Variants in HIVEP3 observed in about 807,000 individuals in gnomAD.
The protein encoded by HIVEP3 is transcription factor HIVEP3.
HIVEP3 carries 49 observed loss-of-function variants against 152.8 expected under a neutral mutation model. The observed-to-expected ratio is 0.32, with a 90% CI of 0.26 to 0.41. The LOEUF (loss-of-function observed/expected upper bound fraction) is 0.41, where lower values mean the gene tolerates loss of function less well. HIVEP3 is among the 10% of genes least tolerant of loss of function. The pLI, the probability that HIVEP3 is intolerant of heterozygous loss-of-function variation, is 1.00. For missense variants in HIVEP3, 2,790 were observed against 3,103.3 expected (o/e 0.90, Z 2.40); for synonymous variants, 1,269 against 1,289.0 (o/e 0.98, Z 0.33).
At chr1:41,653,964 A>C (rs933526940) in intron 2 of HIVEP3, among the ~76,000 whole-genome samples, 29 of 150,034 alleles carry the variant, frequency 1.9e-4, no homozygotes, top group Non-Finnish European at 3.7e-4. Flanking sequence ...AAAAAAAAAA[A>C]AAAAAAAAAA....
At chr1:41,521,811 G>A (rs1183151137) in intron 6 of HIVEP3, among the ~76,000 whole-genome samples, 2 of 152,234 alleles carry the variant, frequency 1.3e-5, no homozygotes, top group Non-Finnish European at 2.9e-5. Context: ...TGCCCCTGCC[G>A]CTGGCAGACC....
intron 1 of HIVEP3, among the ~76,000 whole-genome samples, chr1:41,726,812 G>A (rs773819741): frequency 6.6e-6 from 1 of 152,214 alleles, no homozygotes; most frequent in Non-Finnish European, 1.5e-5. Context: ...AGGCAGAGCT[G>A]TCGAACAATG....
In HIVEP3 at chr1:42,016,700, C is replaced by T. The variant is rs1038941930; in HGVS notation, n.119+19107G>A. Among the ~76,000 whole-genome samples, 4 of 152,108 alleles carry T rather than the reference C, an allele frequency of 2.6e-5. No individual in the cohort carries two copies. The East Asian group carries it at 5.8e-4, about 22-fold the overall frequency. Reference sequence around the variant, plus strand: ...TCATCAACTTACTCTTTTCATTTAGCAATCAGTATCTCCTGGCCATATGAC... The same window carrying T: ...TCATCAACTTACTCTTTTCATTTAGTAATCAGTATCTCCTGGCCATATGAC... On this transcript the variant is annotated intron_variant and non_coding_transcript_variant, in intron 1 of 3. Coordinates refer to the HIVEP3 transcript ENST00000489103.
intron 2 of HIVEP3, among the ~76,000 whole-genome samples, chr1:41,645,066 A>G (rs1645438629): frequency 6.6e-6 from 1 of 152,124 alleles, no homozygotes; most frequent in Non-Finnish European, 1.5e-5. Context: ...CCAACATTCC[A>G]GAGAACAGGC....
intron 1 of HIVEP3, among the ~76,000 whole-genome samples, chr1:42,019,166 G>C (rs1334380145): frequency 6.6e-6 from 1 of 151,868 alleles, no homozygotes; most frequent in Non-Finnish European, 1.5e-5. Flanking sequence ...CTAAATATTT[G>C]GTGCCATAAG....
chr1:41,829,441 A>G (rs1467431961), intron 1 of HIVEP3, among the ~76,000 whole-genome samples: 1 of 152,132 alleles, frequency 6.6e-6, no homozygotes, highest in Non-Finnish European at 1.5e-5. Flanking sequence ...GGCCCTGAAA[A>G]TGGCCCAGAT....
chr1:41,577,177 C>T (rs1644339253), intron 4 of HIVEP3, among the ~76,000 whole-genome samples: 1 of 152,150 alleles, frequency 6.6e-6, no homozygotes, highest in Admixed American at 6.5e-5. Context: ...GAGCAGGGAC[C>T]AGGGATCCAT....
chr1:41,651,411 CAAA>C (rs35508121), intron 2 of HIVEP3, among the ~76,000 whole-genome samples: 1,913 of 89,034 alleles, frequency 0.021, 20 homozygotes, highest in Non-Finnish European at 0.029. Context: ...AACTCCATCT[CAAA>C]AAAAAAAAAA....
chr1:41,969,240 C>CT (rs1645215817), intron 1 of HIVEP3, among the ~76,000 whole-genome samples: 1 of 152,084 alleles, frequency 6.6e-6, no homozygotes, highest in Non-Finnish European at 1.5e-5. Context: ...AAAAAAGAGC[C>CT]TATATAGCCA....
At position 41,898,045 on chromosome 1, in the gene HIVEP3, T is replaced by A. The variant is rs561213727; in HGVS notation, c.-801+20368A>T. ...CAGACCAGAGCCTCAGAGCCTGCCA[T>A]CCCCACTGGCATCATTTTGCTCTCA... is the stretch of plus-strand genomic sequence containing the variant. On this transcript the variant is annotated intron_variant, in intron 1 of 8. Coordinates refer to ENST00000372583, the MANE Select transcript of HIVEP3 (RefSeq NM_024503.5). 1.5e-4 allele frequency among the ~76,000 whole-genome samples: 23 copies of A among 150,798 alleles called. No individual in the cohort carries two copies. In the South Asian group the frequency reaches 3.2e-3, roughly 21 times the overall value.
chr1:41,590,106 A>G (rs1408774134), intron 3 of HIVEP3, among the ~76,000 whole-genome samples: 1 of 152,208 alleles, frequency 6.6e-6, no homozygotes, highest in Non-Finnish European at 1.5e-5. Context: ...TTCACTTGCA[A>G]AAAAATACTA....
chr1:41,609,700 G>C (rs558992797), intron 3 of HIVEP3, among the ~76,000 whole-genome samples: 1 of 152,346 alleles, frequency 6.6e-6, no homozygotes, highest in Admixed American at 6.5e-5. Context: ...CCATCTGTGT[G>C]TTCCAGCCAC....
chr1:41,721,133 A>G (rs1646667533), intron 1 of HIVEP3, among the ~76,000 whole-genome samples: 1 of 152,206 alleles, frequency 6.6e-6, no homozygotes, highest in Non-Finnish European at 1.5e-5. Flanking sequence ...ACATTTGCCT[A>G]TGATGAATGA....
At chr1:41,588,847 C>T (rs1008693390) in intron 3 of HIVEP3, among the ~76,000 whole-genome samples, 4 of 152,070 alleles carry the variant, frequency 2.6e-5, no homozygotes, top group Admixed American at 2.6e-4. Flanking sequence ...TGGACTAGTG[C>T]TCTCTGCCAG....
chr1:41,512,973 G>A lies in HIVEP3; in HGVS notation c.6248C>T (p.Ser2083Leu). 6.2e-7 allele frequency: 1 copy of A among 1,612,742 alleles called. No individual in the cohort carries two copies. The highest frequency in any genetic ancestry group is 8.5e-7 in the Non-Finnish European group (1 of 1,179,520). Residue 2083 changes from serine (S) to leucine (L), a missense_variant, in exon 8 of 9, where the codon TCA becomes TTA. Physicochemically the swap from Ser to Leu is moderately radical, Grantham distance 145. Transcript: ENST00000372583. ...SPGQAESPPR[S>L]APPGKWALAG... ...CAAGGCCCACTTCCCTGGCGGCGCT[G>A]ACCGTGGTGGTGACTCGGCCTGACC...
intron 1 of HIVEP3, among the ~76,000 whole-genome samples, chr1:41,734,887 T>C (rs191346903): frequency 6.6e-6 from 1 of 152,196 alleles, no homozygotes; most frequent in Non-Finnish European, 1.5e-5. Flanking sequence ...GTGAAAATGA[T>C]GAAATGAGGA....
chr1:41,940,697 T>C (rs1314752649), intron 1 of HIVEP3, among the ~76,000 whole-genome samples: 1 of 151,938 alleles, frequency 6.6e-6, no homozygotes, highest in Non-Finnish European at 1.5e-5. Context: ...GGGAAAGTTA[T>C]GGGGAGCTAT....
At chr1:41,625,627 C>G (rs1050493312) in intron 3 of HIVEP3, among the ~76,000 whole-genome samples, 1 of 152,168 alleles carries the variant, frequency 6.6e-6, no homozygotes, top group Non-Finnish European at 1.5e-5. Context: ...CCTAGCTACT[C>G]AGGAAGCTGA....
In HIVEP3 at chr1:41,612,412, C is replaced by A. The variant is rs149803698; in HGVS notation, c.-522+16337G>T. ...TTAATTTCACCCAAGTTCCTCCTTGCAGACCTCCTGTTCATGGCTCCAACT... is the reference window on the plus strand; with the variant it reads ...TTAATTTCACCCAAGTTCCTCCTTGAAGACCTCCTGTTCATGGCTCCAACT... On this transcript the variant is annotated intron_variant, in intron 3 of 8. Transcript: ENST00000372583. Among the ~76,000 whole-genome samples, 261 of 152,360 alleles carry A rather than the reference C, an allele frequency of 1.7e-3. 1 individual carries two copies. Among genetic ancestry groups the A allele is most frequent in the African/African-American group, 5.8e-3 (242 of 41,578 alleles).
Sources: allele counts gnomAD v4.1 joint callset (sites outside exome capture counted in the v4.1 genomes callset), GRCh38; gene constraint gnomAD v4.1.1; transcripts MANE v1.5; gene names NCBI Gene and HGNC (gene_info 2026-07-23, HGNC 2026-07-21).